The following RPS6KC1 variants were observed in gnomAD, a reference collection of about 807,000 sequenced individuals.
The protein encoded by RPS6KC1 is ribosomal protein S6 kinase C1.
In RPS6KC1, 54 loss-of-function variants were observed where a neutral mutation model predicts 103.8. That is an observed-to-expected ratio of 0.52 (90% CI 0.42 to 0.65). The LOEUF (loss-of-function observed/expected upper bound fraction) is 0.65, where lower values mean the gene tolerates loss of function less well. Ranked by LOEUF, RPS6KC1 falls within the 30% of genes least tolerant of loss-of-function variation. The pLI, the probability that RPS6KC1 is intolerant of heterozygous loss-of-function variation, is 0.00. For missense variants in RPS6KC1, 1,151 were observed against 1,253.8 expected, an observed-to-expected ratio of 0.92 and a Z score of 1.24; for synonymous variants, 439 against 438.7, an observed-to-expected ratio of 1.00 and a Z score of -0.01.
the RPS6KC1 span, among the ~76,000 whole-genome samples, chr1:213,342,007 G>A: frequency 6.6e-6 from 1 of 152,194 alleles, no homozygotes; most frequent in African/African-American, 2.4e-5. Context: ...AAGTGTCAGT[G>A]CATGTTCATT....
chr1:213,470,630 T>TTTTTTTTTTTTTG, the RPS6KC1 span, among the ~76,000 whole-genome samples: 1 of 146,232 alleles, frequency 6.8e-6, no homozygotes, highest in Non-Finnish European at 1.5e-5. Context: ...TTTTTTTTTT[T>TTTTTTTTTTTTTG]TTTTTTAGAG....
chr1:213,091,765 A>G (rs975778500), intron 3 of RPS6KC1, among the ~76,000 whole-genome samples: 1 of 152,088 alleles, frequency 6.6e-6, no homozygotes, highest in Non-Finnish European at 1.5e-5. Context: ...ACTGTTGGTT[A>G]TTTTCCTTGA....
the RPS6KC1 span, among the ~76,000 whole-genome samples, chr1:213,551,432 T>C: frequency 5.9e-5 from 9 of 152,200 alleles, no homozygotes. Context: ...TTTTGACTAC[T>C]GGTGAGTTGT....
the RPS6KC1 span, among the ~76,000 whole-genome samples, chr1:213,516,034 C>A: frequency 6.6e-6 from 1 of 152,222 alleles, no homozygotes; most frequent in East Asian, 1.9e-4. Flanking sequence ...CTCTGTTTGT[C>A]TGTTATTGGT....
At chr1:213,781,313 A>G in the RPS6KC1 span, among the ~76,000 whole-genome samples, 1 of 152,200 alleles carries the variant, frequency 6.6e-6, no homozygotes, top group African/African-American at 2.4e-5. Flanking sequence ...AAGCCTTCAG[A>G]GGGAGCTCAT....
At chr1:213,860,911 C>T in the RPS6KC1 span, among the ~76,000 whole-genome samples, 1 of 151,758 alleles carries the variant, frequency 6.6e-6, no homozygotes, top group Non-Finnish European at 1.5e-5. Flanking sequence ...TGGGTTCAAG[C>T]GATTCTTCTG....
chr1:213,173,165 A>C (rs6702225), intron 7 of RPS6KC1, among the ~76,000 whole-genome samples: 24,211 of 152,272 alleles, frequency 0.16, 5,120 homozygotes, highest in African/African-American at 0.49. Context: ...CCATCTGAAG[A>C]AAGGAGTAGA....
At chr1:213,190,691 T>C (rs975609767) in intron 8 of RPS6KC1, among the ~76,000 whole-genome samples, 1 of 152,218 alleles carries the variant, frequency 6.6e-6, no homozygotes, top group African/African-American at 2.4e-5. Context: ...TTTGGTTGCC[T>C]GCGCTTGTAG....
the RPS6KC1 span, among the ~76,000 whole-genome samples, chr1:213,646,430 G>C: frequency 6.6e-6 from 1 of 152,120 alleles, no homozygotes; most frequent in Non-Finnish European, 1.5e-5. Context: ...GTATCTTGTG[G>C]GGAGAAATGC....
intron 6 of RPS6KC1, among the ~76,000 whole-genome samples, chr1:213,132,781 T>A (rs2149019812): frequency 6.6e-6 from 1 of 152,358 alleles, no homozygotes; most frequent in East Asian, 1.9e-4. Flanking sequence ...AAAATAAGTA[T>A]TTCTGGATAT....
chr1:213,217,021 C>G (rs1261900632), intron 8 of RPS6KC1, among the ~76,000 whole-genome samples: 1 of 151,586 alleles, frequency 6.6e-6, no homozygotes, highest in Non-Finnish European at 1.5e-5. Context: ...TAACTAAGAT[C>G]AGAGCAGAGC....
the RPS6KC1 span, among the ~76,000 whole-genome samples, chr1:213,455,978 A>G: frequency 2.6e-5 from 4 of 152,018 alleles, no homozygotes; most frequent in Non-Finnish European, 5.9e-5. Context: ...AACCTCTTTT[A>G]TAATTCCAGT....
chr1:213,453,554 G>A, the RPS6KC1 span, among the ~76,000 whole-genome samples: 16 of 152,256 alleles, frequency 1.1e-4, no homozygotes, highest in Non-Finnish European at 1.9e-4. Flanking sequence ...TAAGGGCCAG[G>A]ACAGGTGAGT....
the RPS6KC1 span, among the ~76,000 whole-genome samples, chr1:213,510,230 T>C: frequency 6.6e-6 from 1 of 152,186 alleles, no homozygotes; most frequent in Admixed American, 6.5e-5. Flanking sequence ...TGTCCTTAAA[T>C]AAGTTTTCCT....
the RPS6KC1 span, among the ~76,000 whole-genome samples, chr1:213,382,805 G>A: frequency 6.6e-6 from 1 of 152,194 alleles, no homozygotes; most frequent in African/African-American, 2.4e-5. Context: ...CCTGTGGGGA[G>A]GGCCTCTCCT....
chr1:213,543,261 G>C, the RPS6KC1 span, among the ~76,000 whole-genome samples: 40 of 152,340 alleles, frequency 2.6e-4, no homozygotes, highest in African/African-American at 9.6e-4. Context: ...AGGTGTGATG[G>C]TATCACTGAG....
the RPS6KC1 span, among the ~76,000 whole-genome samples, chr1:213,676,104 T>C: frequency 1.3e-5 from 2 of 152,194 alleles, no homozygotes; most frequent in African/African-American, 4.8e-5. Flanking sequence ...AACGTGCATG[T>C]CTGGGTTTCT....
At chr1:213,280,690 G>C in the RPS6KC1 span, among the ~76,000 whole-genome samples, 1 of 152,148 alleles carries the variant, frequency 6.6e-6, no homozygotes, top group Non-Finnish European at 1.5e-5. Context: ...TGTGGGGTGA[G>C]GGGAATGTGG....
At chr1:213,284,896 A>G in the RPS6KC1 span, among the ~76,000 whole-genome samples, 2 of 152,332 alleles carry the variant, frequency 1.3e-5, no homozygotes, top group Non-Finnish European at 2.9e-5. Context: ...CATTTTATAG[A>G]AGGGCAAAAG....
Sources: allele counts gnomAD v4.1 joint callset (sites outside exome capture counted in the v4.1 genomes callset), GRCh38; gene constraint gnomAD v4.1.1; transcripts MANE v1.5; gene names NCBI Gene and HGNC (gene_info 2026-07-23, HGNC 2026-07-21).